Variants in TEAD1 observed in about 807,000 individuals in gnomAD.
TEAD1 encodes the protein TEA domain transcription factor 1.
Under a neutral mutation model 54.9 loss-of-function variants are expected in TEAD1, and 9 were observed. The ratio of observed to expected loss-of-function variants is 0.16; its 90% confidence interval spans 0.10 to 0.29. The LOEUF (loss-of-function observed/expected upper bound fraction) is 0.29. Among genes scored for constraint, TEAD1 ranks in the 10% least tolerant of loss-of-function variants. TEAD1 has a pLI of 1.00. For synonymous variants in TEAD1, 200 were observed against 187.8 expected (o/e 1.07, Z -0.53); for missense variants, 387 against 535.9 (o/e 0.72, Z 2.74).
chr11:12,891,447 G>C (rs535615761), intron 9 of TEAD1, among the ~76,000 whole-genome samples: 2 of 152,316 alleles, frequency 1.3e-5, no homozygotes, highest in Admixed American at 1.3e-4. Context: ...AGAGGGGAGA[G>C]ATGTTATGGA....
chr11:12,727,802 C>T (rs2133874579), intron 2 of TEAD1, among the ~76,000 whole-genome samples: 1 of 152,278 alleles, frequency 6.6e-6, no homozygotes, highest in African/African-American at 2.4e-5. Context: ...TAGGAATTCC[C>T]TCACCCTTAC....
intron 3 of TEAD1, among the ~76,000 whole-genome samples, chr11:12,857,434 G>A (rs1203408363): frequency 3.9e-5 from 6 of 152,188 alleles, no homozygotes; most frequent in Admixed American, 6.5e-5. Flanking sequence ...CTGGACAGGC[G>A]TGGTGTAAGG....
intron 2 of TEAD1, among the ~76,000 whole-genome samples, chr11:12,719,090 T>C (rs1944125466): frequency 6.6e-6 from 1 of 152,040 alleles, no homozygotes. Flanking sequence ...AAGCTGTCTC[T>C]TTGATGGTGA....
At chr11:12,933,784 G>A (rs558271478) in intron 12 of TEAD1, among the ~76,000 whole-genome samples, 1 of 152,262 alleles carries the variant, frequency 6.6e-6, no homozygotes, top group Admixed American at 6.5e-5. Context: ...TATGGATAAA[G>A]AATGTCAGGC....
At chr11:12,750,849 G>T (rs771008813) in intron 2 of TEAD1, among the ~76,000 whole-genome samples, 1 of 152,170 alleles carries the variant, frequency 6.6e-6, no homozygotes, top group Non-Finnish European at 1.5e-5. Flanking sequence ...CCGAGAGACA[G>T]AATAAACTCC....
chr11:12,887,872 CTAAG>C (rs1441280026), intron 9 of TEAD1, among the ~76,000 whole-genome samples: 1 of 152,150 alleles, frequency 6.6e-6, no homozygotes, highest in Non-Finnish European at 1.5e-5. Flanking sequence ...TTAAAGGGCC[CTAAG>C]TAAGTTAAAC....
chr11:12,913,610 T>A (rs1043631617), intron 10 of TEAD1, among the ~76,000 whole-genome samples: 3 of 146,646 alleles, frequency 2.0e-5, no homozygotes, highest in African/African-American at 7.3e-5. Context: ...GGTAAAGGTT[T>A]CTTGATAAGT....
At chr11:12,677,896 T>C (rs1196721098) in intron 2 of TEAD1, among the ~76,000 whole-genome samples, 1 of 152,198 alleles carries the variant, frequency 6.6e-6, no homozygotes, top group African/African-American at 2.4e-5. Context: ...TATGTGTTAA[T>C]TGTGAGCATA....
Position 12,937,810 on chromosome 11 carries a change from T to G in TEAD1, c.*588T>G, listed in dbSNP as rs1335723193. ...TAAATGAAACCTTTTTTTTTCTTTT[T>G]GAAACCAAATGTTAAACTATAGCCT... On this transcript the variant is annotated 3_prime_UTR_variant, in exon 13 of 13. Transcript: ENST00000527636. The G allele has an allele frequency of 6.5e-6, 1 of 152,760 alleles. No individual in the cohort carries two copies. The highest frequency in any genetic ancestry group is 2.4e-5 in the African/African-American group (1 of 41,446). 9.5% of individuals were successfully genotyped at this position (152,760 alleles called of 1,614,324 possible).
chr11:12,732,976 C>T (rs1944452553), intron 2 of TEAD1, among the ~76,000 whole-genome samples: 7 of 152,186 alleles, frequency 4.6e-5, no homozygotes, highest in Admixed American at 2.6e-4. Context: ...GAACTGAAAC[C>T]AGAATTCAAG....
chr11:12,937,489 C>A lies in TEAD1; in HGVS notation c.*267C>A. Reference sequence around the variant, plus strand: ...CTCTATGTTCTTCAGATGTGCAGCCCACAATTCCTCGGGAAAGGTGAACCT... The same window carrying A: ...CTCTATGTTCTTCAGATGTGCAGCCAACAATTCCTCGGGAAAGGTGAACCT... On this transcript the variant is annotated 3_prime_UTR_variant, in exon 13 of 13. Transcript: ENST00000527636. 3.2e-6 allele frequency: 1 copy of A among 313,796 alleles called. No individual in the cohort carries two copies. Among genetic ancestry groups the A allele is most frequent in the Non-Finnish European group, 6.1e-6 (1 of 165,106 alleles). The allele number at this position is 313,796 out of a possible 1,614,324, so 19.4% of individuals were successfully genotyped here.
At chr11:12,734,750 A>G (rs1944492842) in intron 2 of TEAD1, among the ~76,000 whole-genome samples, 1 of 152,230 alleles carries the variant, frequency 6.6e-6, no homozygotes, top group African/African-American at 2.4e-5. Context: ...CTATAACTGT[A>G]CCAAATAGCC....
At chr11:12,855,266 T>G (rs546092738) in intron 3 of TEAD1, among the ~76,000 whole-genome samples, 16 of 152,058 alleles carry the variant, frequency 1.1e-4, no homozygotes, top group African/African-American at 2.4e-4. Flanking sequence ...TTGCTTGCTT[T>G]CTTTTTTTTT....
chr11:12,859,918 A>G (rs936325831), intron 3 of TEAD1, among the ~76,000 whole-genome samples: 2 of 152,212 alleles, frequency 1.3e-5, no homozygotes. Context: ...TAAAAATTTA[A>G]TGCAGTGTTT....
chr11:12,683,914 TG>T (rs1351075933), intron 2 of TEAD1, among the ~76,000 whole-genome samples: 1 of 152,232 alleles, frequency 6.6e-6, no homozygotes, highest in African/African-American at 2.4e-5. Context: ...ACAAATTACT[TG>T]TTCTCTGCAA....
At chr11:12,730,779 C>A (rs1944410632) in intron 2 of TEAD1, among the ~76,000 whole-genome samples, 1 of 143,002 alleles carries the variant, frequency 7.0e-6, no homozygotes, top group African/African-American at 2.6e-5. Flanking sequence ...TGGCTCACTG[C>A]AACCTCCACC....
intron 5 of TEAD1, among the ~76,000 whole-genome samples, chr11:12,879,073 A>AGCCTTAGCCCCACGGC (rs1206239536): frequency 6.6e-6 from 1 of 152,186 alleles, no homozygotes; most frequent in African/African-American, 2.4e-5. Context: ...GAACCCACGT[A>AGCCTTAGCCCCACGGC]GCCTTAGCCC....
chr11:12,704,308 G>C (rs1485292617), intron 2 of TEAD1, among the ~76,000 whole-genome samples: 2 of 152,212 alleles, frequency 1.3e-5, no homozygotes, highest in African/African-American at 4.8e-5. Flanking sequence ...GAGTTGAAGT[G>C]TCTGAGGCCA....
At chr11:12,879,013 A>G (rs143011107) in intron 5 of TEAD1, 1 of 837,482 alleles carries the variant, frequency 1.2e-6, no homozygotes, top group African/African-American at 1.8e-5. Flanking sequence ...CGTTCAGGAA[A>G]AGGAGAAACC....
Sources: allele counts gnomAD v4.1 joint callset (sites outside exome capture counted in the v4.1 genomes callset), GRCh38; gene constraint gnomAD v4.1.1; transcripts MANE v1.5; gene names NCBI Gene and HGNC (gene_info 2026-07-23, HGNC 2026-07-21).